Variants in RBFOX1 observed in about 807,000 individuals in gnomAD.
RBFOX1 encodes RNA binding fox-1 homolog 1.
In RBFOX1, 8 loss-of-function variants were observed where a neutral mutation model predicts 57.7. The ratio of observed to expected loss-of-function variants is 0.14; its 90% confidence interval spans 0.08 to 0.25. The LOEUF (loss-of-function observed/expected upper bound fraction) is 0.25, where lower values mean the gene tolerates loss of function less well. RBFOX1 is among the 10% of genes least tolerant of loss of function. The pLI is 1.00. For synonymous variants in RBFOX1, 326 were observed against 222.4 expected (o/e 1.47, Z -4.15); for missense variants, 611 against 548.5 (o/e 1.11, Z -1.14).
intron 4 of RBFOX1, among the ~76,000 whole-genome samples, chr16:7,254,018 A>G (rs1451603718): frequency 6.6e-6 from 1 of 152,160 alleles, no homozygotes; most frequent in Non-Finnish European, 1.5e-5. Flanking sequence ...AGGGATGGAA[A>G]GTGTAAATCC....
intron 3 of RBFOX1, among the ~76,000 whole-genome samples, chr16:5,665,728 A>C (rs554268705): frequency 3.3e-5 from 5 of 152,300 alleles, no homozygotes; most frequent in African/African-American, 1.2e-4. Context: ...TGATCTTAGC[A>C]CAGATCCTGG....
chr16:7,471,349 C>G (rs1472681527), intron 4 of RBFOX1, among the ~76,000 whole-genome samples: 1 of 152,068 alleles, frequency 6.6e-6, no homozygotes, highest in African/African-American at 2.4e-5. Flanking sequence ...TGAAGGAAAA[C>G]TGCTGGGCTA....
At chr16:7,393,017 G>C (rs1402176567) in intron 4 of RBFOX1, among the ~76,000 whole-genome samples, 1 of 152,100 alleles carries the variant, frequency 6.6e-6, no homozygotes, top group Non-Finnish European at 1.5e-5. Context: ...GGGACTACAG[G>C]CCCATGCCAC....
intron 1 of RBFOX1, among the ~76,000 whole-genome samples, chr16:6,148,172 C>T (rs1365803048): frequency 6.6e-6 from 1 of 152,156 alleles, no homozygotes; most frequent in South Asian, 2.1e-4. Context: ...TACTAAAATA[C>T]AGAAATTAGC....
At chr16:5,647,753 C>T (rs1015628672) in intron 3 of RBFOX1, among the ~76,000 whole-genome samples, 2 of 152,232 alleles carry the variant, frequency 1.3e-5, no homozygotes, top group African/African-American at 4.8e-5. Context: ...AATCAGCTGC[C>T]AGGCTTGGTA....
rs965336158 is a variant in RBFOX1, at chr16:7,493,527, T to G, written c.28-24620T>G. On this transcript the variant is annotated intron_variant, in intron 4 of 15. Coordinates refer to ENST00000550418, the MANE Select transcript of RBFOX1 (RefSeq NM_018723.4). ...GAGAGATTATTCTATAGTATCCAGATGAGTCCAGTGTAATCACAACAGTAC... is the reference window on the plus strand; with the variant it reads ...GAGAGATTATTCTATAGTATCCAGAGGAGTCCAGTGTAATCACAACAGTAC... 2.0e-5 allele frequency among the ~76,000 whole-genome samples: 3 copies of G among 152,208 alleles called. No homozygotes were observed. The East Asian group carries it at 5.8e-4, about 29-fold the overall frequency.
intron 1 of RBFOX1, among the ~76,000 whole-genome samples, chr16:5,268,775 G>T (rs2151116912): frequency 6.6e-6 from 1 of 152,320 alleles, no homozygotes; most frequent in Non-Finnish European, 1.5e-5. Context: ...TACAATTGCT[G>T]GGTCATTTGG....
chr16:5,738,139 GAATGATCTTCTGGTCTTTAAAA>G (rs1248321029), intron 3 of RBFOX1, among the ~76,000 whole-genome samples: 2 of 151,912 alleles, frequency 1.3e-5, no homozygotes, highest in East Asian at 3.9e-4. Context: ...AGTTTGCTGA[GAATGATCTTCTGGTCTTTAAAA>G]AATGTTTTCA....
intron 5 of RBFOX1, among the ~76,000 whole-genome samples, chr16:7,558,493 ATT>A (rs2152642203): frequency 6.6e-6 from 1 of 152,054 alleles, no homozygotes; most frequent in Non-Finnish European, 1.5e-5. Flanking sequence ...GTGTACACAT[ATT>A]TTCGTATATG....
At chr16:7,530,503 T>TA (rs113131663) in intron 5 of RBFOX1, among the ~76,000 whole-genome samples, 6,716 of 138,736 alleles carry the variant, frequency 0.048, 208 homozygotes, top group South Asian at 0.14. Flanking sequence ...CCAGACTTCT[T>TA]AAAAAAAAAA....
chr16:5,544,126 C>T (rs1158031772), intron 2 of RBFOX1, among the ~76,000 whole-genome samples: 7 of 152,180 alleles, frequency 4.6e-5, no homozygotes, highest in Admixed American at 4.6e-4. Flanking sequence ...TTTCTGAGTG[C>T]ACCCAGAGCA....
intron 2 of RBFOX1, among the ~76,000 whole-genome samples, chr16:5,544,947 C>T (rs1253730621): frequency 8.6e-6 from 1 of 115,964 alleles, no homozygotes; most frequent in East Asian, 2.0e-4. Context: ...CTTACTATTA[C>T]ATTCTTTTTT....
At chr16:6,910,910 A>C (rs1266152222) in intron 3 of RBFOX1, among the ~76,000 whole-genome samples, 1 of 152,112 alleles carries the variant, frequency 6.6e-6, no homozygotes, top group Admixed American at 6.5e-5. Context: ...GTTAGTAAAG[A>C]GGAAGGAGGG....
chr16:7,034,965 C>G (rs112257325), intron 3 of RBFOX1, among the ~76,000 whole-genome samples: 143 of 148,506 alleles, frequency 9.6e-4, no homozygotes, highest in African/African-American at 3.5e-3. Flanking sequence ...TCTCATTCCT[C>G]AGCCTCTGAG....
chr16:5,275,778 T>G (rs1407169390), intron 1 of RBFOX1, among the ~76,000 whole-genome samples: 1 of 152,300 alleles, frequency 6.6e-6, no homozygotes, highest in Non-Finnish European at 1.5e-5. Context: ...ATTACCCAAC[T>G]TCAAACTATA....
At chr16:7,073,505 T>G (rs988429890) in intron 4 of RBFOX1, among the ~76,000 whole-genome samples, 5 of 152,102 alleles carry the variant, frequency 3.3e-5, no homozygotes, top group Admixed American at 2.6e-4. Flanking sequence ...TTCTATGTAT[T>G]GAAATCCACA....
At chr16:6,381,007 A>G (rs562922974) in intron 2 of RBFOX1, among the ~76,000 whole-genome samples, 2 of 152,282 alleles carry the variant, frequency 1.3e-5, no homozygotes, top group East Asian at 3.9e-4. Context: ...GACTTGTGGT[A>G]TGCAATGATG....
At chr16:7,306,110 A>G (rs1368799128) in intron 4 of RBFOX1, among the ~76,000 whole-genome samples, 1 of 152,136 alleles carries the variant, frequency 6.6e-6, no homozygotes, top group African/African-American at 2.4e-5. Context: ...TCATTTACCT[A>G]GCAAGTAGAA....
At chr16:6,546,054 A>C (rs2096890458) in intron 2 of RBFOX1, among the ~76,000 whole-genome samples, 1 of 152,244 alleles carries the variant, frequency 6.6e-6, no homozygotes. Context: ...ATAGCTGATG[A>C]ACTATTAAAA....
Sources: gnomAD v4.1 joint callset for allele counts (sites outside exome capture counted in the v4.1 genomes callset) on GRCh38, gnomAD v4.1.1 for gene constraint, MANE v1.5 for transcripts, NCBI Gene and HGNC (gene_info 2026-07-23, HGNC 2026-07-21) for gene names.